The following KCNQ3 variants were observed in gnomAD, a reference collection of about 807,000 sequenced individuals.
The protein encoded by KCNQ3 is potassium voltage-gated channel subfamily Q member 3.
Under a neutral mutation model 92.5 loss-of-function variants are expected in KCNQ3, and 30 were observed. The ratio of observed to expected loss-of-function variants is 0.32; its 90% CI spans 0.24 to 0.44. The LOEUF is 0.44. KCNQ3 is among the 20% of genes least tolerant of loss of function. KCNQ3 has a pLI of 1.00. For missense variants in KCNQ3, 913 were observed against 1,140.3 expected (o/e 0.80, Z 2.87); for synonymous variants, 450 against 468.8 (o/e 0.96, Z 0.52).
intron 1 of KCNQ3, among the ~76,000 whole-genome samples, chr8:132,309,469 T>C (rs1203901230): frequency 6.6e-6 from 1 of 152,222 alleles, no homozygotes; most frequent in Non-Finnish European, 1.5e-5. Context: ...GTATGGAGCA[T>C]TATGCACACT....
At chr8:132,264,669 T>C (rs1376317171) in intron 1 of KCNQ3, among the ~76,000 whole-genome samples, 1 of 152,178 alleles carries the variant, frequency 6.6e-6, no homozygotes, top group Non-Finnish European at 1.5e-5. Flanking sequence ...AGCATTTAAG[T>C]GAAAGGACAG....
intron 1 of KCNQ3, among the ~76,000 whole-genome samples, chr8:132,329,300 C>T (rs1202372294): frequency 6.6e-6 from 1 of 152,228 alleles, no homozygotes; most frequent in African/African-American, 2.4e-5. Flanking sequence ...CTCACCTCCT[C>T]CACCAGCCCC....
intron 1 of KCNQ3, among the ~76,000 whole-genome samples, chr8:132,479,382 A>ATCAG: frequency 6.6e-6 from 1 of 152,256 alleles, no homozygotes; most frequent in East Asian, 1.9e-4. Flanking sequence ...GCAGCGACTG[A>ATCAG]GGCTGAGGGA....
chr8:132,308,474 G>A (rs1197033640), intron 1 of KCNQ3, among the ~76,000 whole-genome samples: 1 of 152,130 alleles, frequency 6.6e-6, no homozygotes, highest in East Asian at 1.9e-4. Flanking sequence ...TAGAAGCATT[G>A]AGGAGCCAAG....
At chr8:132,151,438 C>A (rs1825633519) in intron 9 of KCNQ3, among the ~76,000 whole-genome samples, 1 of 151,988 alleles carries the variant, frequency 6.6e-6, no homozygotes, top group African/African-American at 2.4e-5. Flanking sequence ...AAAGTTTAAA[C>A]AAATGGTGGA....
intron 1 of KCNQ3, among the ~76,000 whole-genome samples, chr8:132,453,004 T>C (rs1821856859): frequency 2.2e-5 from 2 of 91,072 alleles, no homozygotes; most frequent in African/African-American, 9.0e-5. Context: ...GATATAAAAA[T>C]GAAGACTGGC....
intron 1 of KCNQ3, among the ~76,000 whole-genome samples, chr8:132,408,486 T>C (rs1820558265): frequency 6.6e-6 from 1 of 152,190 alleles, no homozygotes; most frequent in Non-Finnish European, 1.5e-5. Flanking sequence ...CCTGCTACGC[T>C]AGGCAGACTT....
intron 9 of KCNQ3, among the ~76,000 whole-genome samples, chr8:132,151,630 T>A (rs573257054): frequency 2.0e-5 from 3 of 152,378 alleles, no homozygotes; most frequent in Admixed American, 1.3e-4. Flanking sequence ...TTTGCTTTTT[T>A]AAAATTTCTG....
At chr8:132,439,151 C>T (rs1587020436) in intron 1 of KCNQ3, among the ~76,000 whole-genome samples, 1 of 151,872 alleles carries the variant, frequency 6.6e-6, no homozygotes, top group East Asian at 1.9e-4. Flanking sequence ...TCCCACATCC[C>T]TAACCCATTC....
chr8:132,340,067 T>C (rs1036261959), intron 1 of KCNQ3, among the ~76,000 whole-genome samples: 2 of 151,944 alleles, frequency 1.3e-5, no homozygotes, highest in African/African-American at 4.8e-5. Context: ...TGAGATACCA[T>C]CTCACGCCAG....
chr8:132,248,676 G>T (rs1016597979), intron 1 of KCNQ3, among the ~76,000 whole-genome samples: 1 of 152,144 alleles, frequency 6.6e-6, no homozygotes, highest in African/African-American at 2.4e-5. Flanking sequence ...TTCACCTGGG[G>T]CTGCACCTCT....
chr8:132,363,655 A>G (rs1205040299), intron 1 of KCNQ3, among the ~76,000 whole-genome samples: 2 of 151,962 alleles, frequency 1.3e-5, no homozygotes, highest in Non-Finnish European at 2.9e-5. Flanking sequence ...CGCTGTCACC[A>G]TCCACCCTGG....
intron 1 of KCNQ3, among the ~76,000 whole-genome samples, chr8:132,332,164 CAGCCA>C (rs1197405508): frequency 6.6e-6 from 1 of 152,218 alleles, no homozygotes; most frequent in Non-Finnish European, 1.5e-5. Flanking sequence ...GGGAACCCAG[CAGCCA>C]TGCCATGAGG....
At chr8:132,258,883 T>C (rs1815682289) in intron 1 of KCNQ3, among the ~76,000 whole-genome samples, 1 of 152,022 alleles carries the variant, frequency 6.6e-6, no homozygotes, top group Non-Finnish European at 1.5e-5. Context: ...TAATTGTATG[T>C]CAAAAAATTA....
At chr8:132,202,105 G>C (rs915870059) in intron 1 of KCNQ3, among the ~76,000 whole-genome samples, 3 of 152,142 alleles carry the variant, frequency 2.0e-5, no homozygotes, top group African/African-American at 7.2e-5. Context: ...GGTCATGGCT[G>C]GGGTGGCTGA....
At chr8:132,215,428 A>G (rs376750753) in intron 1 of KCNQ3, among the ~76,000 whole-genome samples, 116 of 152,328 alleles carry the variant, frequency 7.6e-4, no homozygotes, top group African/African-American at 2.7e-3. Flanking sequence ...GCCATAATTC[A>G]CAGTAGAAGA....
chr8:132,417,299 A>G (rs1024761450), intron 1 of KCNQ3, among the ~76,000 whole-genome samples: 1 of 152,232 alleles, frequency 6.6e-6, no homozygotes, highest in African/African-American at 2.4e-5. Flanking sequence ...GTCAGAAACC[A>G]GGAAAACTGA....
intron 13 of KCNQ3, among the ~76,000 whole-genome samples, chr8:132,132,578 C>T (rs570442950): frequency 3.9e-5 from 6 of 152,264 alleles, no homozygotes; most frequent in African/African-American, 1.4e-4. Context: ...GTATCTAGTT[C>T]CTTTAAATTA....
intron 1 of KCNQ3, among the ~76,000 whole-genome samples, chr8:132,408,534 C>T (rs544714511): frequency 2.6e-5 from 4 of 152,272 alleles, no homozygotes; most frequent in Non-Finnish European, 2.9e-5. Flanking sequence ...CCCTGTACAG[C>T]GCCCTCCCAT....
Sources: allele counts gnomAD v4.1 joint callset (sites outside exome capture counted in the v4.1 genomes callset), GRCh38; gene constraint gnomAD v4.1.1; transcripts MANE v1.5; gene names NCBI Gene and HGNC (gene_info 2026-07-23, HGNC 2026-07-21).